The following ARHGAP12 variants were observed in gnomAD, a reference collection of about 807,000 sequenced individuals.
ARHGAP12 encodes rho GTPase-activating protein 12.
In ARHGAP12, 64 loss-of-function variants were observed where a neutral mutation model predicts 108.6. The ratio of observed to expected loss-of-function variants is 0.59; its 90% CI spans 0.48 to 0.73. The LOEUF (loss-of-function observed/expected upper bound fraction) is 0.73. ARHGAP12 is among the 30% of genes least tolerant of loss of function. The pLI is 0.00. For missense variants in ARHGAP12, 940 were observed against 1,005.9 expected (o/e 0.93, Z 0.89); for synonymous variants, 312 against 337.2 (o/e 0.93, Z 0.82).
chr10:31,893,376 AG>A (rs920771538), intron 3 of ARHGAP12, among the ~76,000 whole-genome samples: 39 of 152,342 alleles, frequency 2.6e-4, no homozygotes, highest in African/African-American at 9.1e-4. Flanking sequence ...AAAAGAGAGA[AG>A]AATCAAATAG....
rs1358722168 is a variant in ARHGAP12, at chr10:31,808,662, G to A, written c.2353C>T (p.Arg785Ter). ...PNQDTMQILF[R>*]HLRRVIENGE... Reference sequence around the variant, plus strand: ...CAGTCCTCCTACCTTCTGAGATGTCGGAAAAGAATCTGCATTGTGTCTTGG... The same window carrying A: ...CAGTCCTCCTACCTTCTGAGATGTCAGAAAAGAATCTGCATTGTGTCTTGG... Residue 785 changes from arginine (R) to a stop codon, truncating the protein, a stop_gained, in exon 19 of 20, where the codon CGA (arginine) becomes TGA (stop). Transcript: ENST00000344936. LOFTEE classifies it high-confidence loss of function. 6 of 1,613,334 alleles carry A rather than the reference G, an allele frequency of 3.7e-6. No homozygotes were observed. Among genetic ancestry groups the A allele is most frequent in the Non-Finnish European group, 4.2e-6 (5 of 1,179,440 alleles).
chr10:31,840,512 G>A (rs993168235), intron 7 of ARHGAP12, among the ~76,000 whole-genome samples: 40 of 152,016 alleles, frequency 2.6e-4, no homozygotes, highest in African/African-American at 9.2e-4. Flanking sequence ...TTCCTTAGAT[G>A]TTTTGAATAA....
intron 3 of ARHGAP12, among the ~76,000 whole-genome samples, chr10:31,900,121 C>A (rs1838858463): frequency 6.6e-6 from 1 of 152,122 alleles, no homozygotes; most frequent in Admixed American, 6.5e-5. Context: ...TGAAAAGATG[C>A]TCAACATTAT....
chr10:31,837,981 T>C (rs1288496507), intron 9 of ARHGAP12, among the ~76,000 whole-genome samples: 2 of 152,176 alleles, frequency 1.3e-5, no homozygotes, highest in African/African-American at 2.4e-5. Context: ...CAGACATTAA[T>C]AGAGAGTTGG....
chr10:31,838,925 C>A (rs1159206981), intron 9 of ARHGAP12, among the ~76,000 whole-genome samples: 1 of 151,448 alleles, frequency 6.6e-6, no homozygotes, highest in African/African-American at 2.4e-5. Context: ...TCACCTAAGC[C>A]TGGTGGGGGA....
At chr10:31,838,326 C>T (rs1017378252) in intron 9 of ARHGAP12, among the ~76,000 whole-genome samples, 2 of 152,066 alleles carry the variant, frequency 1.3e-5, no homozygotes, top group African/African-American at 4.8e-5. Flanking sequence ...GTGGTGGAGG[C>T]ACTCAGGAGC....
intron 10 of ARHGAP12, chr10:31,826,665 A>G (rs1835623084): frequency 3.3e-6 from 1 of 305,738 alleles, no homozygotes. Context: ...CGTGAAATTA[A>G]TACAGCACTT....
chr10:31,919,663 T>C (rs143055730), intron 1 of ARHGAP12, among the ~76,000 whole-genome samples: 2,001 of 151,616 alleles, frequency 0.013, 40 homozygotes, highest in African/African-American at 0.046. Context: ...TGGTGGTGGG[T>C]ACCTGTAGTC....
intron 1 of ARHGAP12, among the ~76,000 whole-genome samples, chr10:31,922,180 CAAAAAAAAAAAAAAAAAAA>C (rs56210740): frequency 0.016 from 1,038 of 66,076 alleles, 48 homozygotes; most frequent in African/African-American, 0.055. Flanking sequence ...GACCCTGCCT[CAAAAAAAAAAAAAAAAAAA>C]AAAAAAAAAA....
intron 11 of ARHGAP12, among the ~76,000 whole-genome samples, chr10:31,820,959 A>T (rs529256004): frequency 6.6e-6 from 1 of 152,112 alleles, no homozygotes; most frequent in Admixed American, 6.5e-5. Flanking sequence ...TAGACTACAC[A>T]TGACTATGTA....
Position 31,928,171 on chromosome 10 carries a change from T to C in ARHGAP12, c.-111+512A>G, listed in dbSNP as rs1840133675. ...CGCGGGAGGGGCCGGGCCGGCCTTT[T>C]GCGCACACACACACACACACACACA... is the stretch of plus-strand genomic sequence containing the variant. On this transcript the variant is annotated intron_variant, in intron 1 of 19. Coordinates refer to ENST00000344936, the MANE Select transcript of ARHGAP12 (RefSeq NM_018287.7). Among the ~76,000 whole-genome samples the C allele has an allele frequency of 2.9e-5, 4 of 138,800 alleles. No individual in the cohort carries two copies. The South Asian group carries it at 9.2e-4, about 32-fold the overall frequency. 91.1% of individuals were successfully genotyped at this position (138,800 alleles called of 152,430 possible).
chr10:31,891,637 G>C (rs1030121444), intron 3 of ARHGAP12, among the ~76,000 whole-genome samples: 1 of 152,162 alleles, frequency 6.6e-6, no homozygotes, highest in African/African-American at 2.4e-5. Flanking sequence ...TGCCCTGCTA[G>C]ATTGGGGACG....
chr10:31,886,751 G>A (rs77855705), intron 3 of ARHGAP12, among the ~76,000 whole-genome samples: 18 of 152,200 alleles, frequency 1.2e-4, no homozygotes, highest in African/African-American at 4.1e-4. Flanking sequence ...TGATTCTGAT[G>A]AAACTGTCAA....
chr10:31,897,444 T>C (rs1564420121), intron 3 of ARHGAP12, among the ~76,000 whole-genome samples: 1 of 151,998 alleles, frequency 6.6e-6, no homozygotes, highest in Non-Finnish European at 1.5e-5. Context: ...AGGCCTCCAG[T>C]ACATCAACAG....
At chr10:31,889,475 CAAAT>C (rs1838324173) in intron 3 of ARHGAP12, among the ~76,000 whole-genome samples, 1 of 152,084 alleles carries the variant, frequency 6.6e-6, no homozygotes, top group Admixed American at 6.5e-5. Flanking sequence ...CCTTTGCACT[CAAAT>C]AAATGAAGGT....
intron 1 of ARHGAP12, among the ~76,000 whole-genome samples, chr10:31,916,911 A>G (rs961817131): frequency 2.6e-5 from 4 of 151,958 alleles, no homozygotes; most frequent in African/African-American, 2.4e-5. Context: ...CACCACGCCC[A>G]GCCGAAACAT....
intron 3 of ARHGAP12, among the ~76,000 whole-genome samples, chr10:31,894,187 C>T (rs887445186): frequency 7.2e-5 from 11 of 152,202 alleles, no homozygotes; most frequent in Non-Finnish European, 1.5e-4. Flanking sequence ...AAAACTGGCA[C>T]AAGACAGGCA....
intron 3 of ARHGAP12, among the ~76,000 whole-genome samples, chr10:31,902,464 C>T (rs900226339): frequency 9.2e-5 from 14 of 151,922 alleles, no homozygotes; most frequent in Non-Finnish European, 1.6e-4. Flanking sequence ...TCACTTGAGG[C>T]CAGGGGTTCA....
At chr10:31,905,204 T>C (rs1054812129) in intron 3 of ARHGAP12, among the ~76,000 whole-genome samples, 1 of 152,206 alleles carries the variant, frequency 6.6e-6, no homozygotes, top group Non-Finnish European at 1.5e-5. Context: ...TGGCAACTGA[T>C]TATTAATCTT....
Sources: gnomAD v4.1 joint callset for allele counts (sites outside exome capture counted in the v4.1 genomes callset) on GRCh38, gnomAD v4.1.1 for gene constraint, MANE v1.5 for transcripts, NCBI Gene and HGNC (gene_info 2026-07-23, HGNC 2026-07-21) for gene names.